Variants in FAT4 observed in about 807,000 individuals in gnomAD.
The protein encoded by FAT4 is protocadherin Fat 4.
A neutral mutation model predicts 303.9 loss-of-function variants in FAT4; 84 were observed. The observed-to-expected ratio is 0.28, with a 90% CI of 0.23 to 0.33. FAT4 has a LOEUF of 0.33. Among genes scored for constraint, FAT4 ranks in the 10% least tolerant of loss-of-function variants. FAT4 has a pLI of 1.00. For synonymous variants in FAT4, 2,307 were observed against 2,298.8 expected (o/e 1.00, Z -0.10); for missense variants, 6,005 against 6,146.8 (o/e 0.98, Z 0.77).
At chr4:125,391,521 G>A (rs543758699) in intron 2 of FAT4, among the ~76,000 whole-genome samples, 154 of 152,222 alleles carry the variant, frequency 1.0e-3, no homozygotes, top group Middle Eastern at 3.4e-3. Context: ...CTTGTTGGGG[G>A]CAGTGGGAGG....
rs751105645 is a variant in FAT4 at position 125,449,637 on chromosome 4, G to C, written c.8627G>C (p.Arg2876Thr). Reference protein sequence around the residue: ...DINDNAPRFSRTSYYLDCPEL... With the variant: ...DINDNAPRFSTTSYYLDCPEL... The stretch of plus-strand genomic sequence containing the variant: ...AATGACAATGCTCCAAGATTTAGCA[G>C]AACTTCCTATTATTTAGATTGCCCT... The change falls in exon 10 of 18, where the codon AGA becomes ACA. Residue 2876 changes from arginine to threonine, a missense_variant. Physicochemically the swap from Arg to Thr is moderately conservative, Grantham distance 71. Coordinates refer to ENST00000394329, the MANE Select transcript of FAT4 (RefSeq NM_001291303.3). 10 of 1,613,768 alleles carry C rather than the reference G, an allele frequency of 6.2e-6. No homozygotes were observed. Among genetic ancestry groups the C allele is most frequent in the Non-Finnish European group, 8.5e-6 (10 of 1,179,922 alleles).
At chr4:125,481,423 ATTTTCATTGTCC>A in intron 15 of FAT4, 86 bp from the exon 16 acceptor site, 1 of 1,029,898 alleles carries the variant, frequency 9.7e-7, no homozygotes, top group South Asian at 1.6e-5. Flanking sequence ...CCAAAACGAC[ATTTTCATTGTCC>A]TTTTTATATT....
intron 2 of FAT4, among the ~76,000 whole-genome samples, chr4:125,348,408 T>C (rs958028529): frequency 6.6e-6 from 1 of 151,684 alleles, no homozygotes; most frequent in South Asian, 2.1e-4. Flanking sequence ...AGTTGAAGGA[T>C]CCTTTCTGAT....
chr4:125,329,677 T>TCTG (rs1731300541), intron 2 of FAT4, among the ~76,000 whole-genome samples: 2 of 152,202 alleles, frequency 1.3e-5, no homozygotes, highest in African/African-American at 2.4e-5. Context: ...TACATTCGTA[T>TCTG]AACCAATCAC....
At position 125,317,557 on chromosome 4, in the gene FAT4, G is replaced by A; in HGVS notation, c.1146G>A (p.Val382=). Residue 382 remains valine (V), a synonymous_variant, in exon 2 of 18, where the codon GTG becomes GTA. Transcript: ENST00000394329. This position sits in a 1 kb window ranked among gnomAD's most constrained non-coding sequence, Gnocchi z 7.0. ...QVGTVVALLT[V]TDADSPAANG... is the part of the protein sequence containing the mutation. ...GCACCGTGGTGGCTCTGCTCACCGT[G>A]ACGGACGCAGATTCTCCCGCGGCCA... The A allele has an allele frequency of 6.2e-7, 1 of 1,613,926 alleles. No individual in the cohort carries two copies. Among genetic ancestry groups the A allele is most frequent in the South Asian group, 1.1e-5 (1 of 91,062 alleles).
At position 125,321,087 on chromosome 4, in the gene FAT4, C is replaced by T; in HGVS notation, c.4676C>T (p.Ala1559Val). 1.2e-6 allele frequency: 2 copies of T among 1,614,114 alleles called. No individual in the cohort carries two copies. Among genetic ancestry groups the T allele is most frequent in the Non-Finnish European group, 1.7e-6 (2 of 1,180,014 alleles). The change falls in exon 2 of 18, where the codon GCT becomes GTT. Residue 1559 changes from alanine to valine, a missense_variant. By Grantham distance (64) the Ala-to-Val change is moderately conservative. Transcript: ENST00000394329. Reference protein sequence around the residue: ...TIMAADPDEGANGEIEYEIIN... With the variant: ...TIMAADPDEGVNGEIEYEIIN... ...ATGGCTGCTGACCCAGATGAAGGTGCTAATGGAGAAATAGAGTATGAGATC... is the reference window on the plus strand; with the variant it reads ...ATGGCTGCTGACCCAGATGAAGGTGTTAATGGAGAAATAGAGTATGAGATC...
intron 2 of FAT4, among the ~76,000 whole-genome samples, chr4:125,389,055 G>C (rs973664984): frequency 4.6e-5 from 7 of 152,202 alleles, no homozygotes; most frequent in Admixed American, 3.9e-4. Flanking sequence ...GCTTATATGA[G>C]AAGTACATTC....
intron 8 of FAT4, among the ~76,000 whole-genome samples, chr4:125,434,684 C>T (rs1448954691): frequency 6.6e-6 from 1 of 152,002 alleles, no homozygotes; most frequent in Non-Finnish European, 1.5e-5. Context: ...TGGGACTACA[C>T]TGGGTGCTTC....
intron 2 of FAT4, among the ~76,000 whole-genome samples, chr4:125,351,426 GA>G (rs1732219388): frequency 6.6e-6 from 1 of 151,720 alleles, no homozygotes; most frequent in Non-Finnish European, 1.5e-5. Flanking sequence ...AAATTTTTGA[GA>G]AACCATGAAC....
rs150804471 is a variant in FAT4 at position 125,477,197 on chromosome 4, C to G, written c.12342C>G (p.Ile4114Met). The change falls in exon 14 of 18, where the codon ATC (isoleucine) becomes ATG (methionine). Residue 4114 changes from isoleucine (I) to methionine (M), a missense_variant. By Grantham distance (10) the Ile-to-Met change is conservative. Transcript: ENST00000394329. ...CAAATAGAGTTACAGTTGGAGGTAT[C>G]AGATCTCTAGAACCAATCCTTCAGA... ...VQPNRVTVGG[I>M]RSLEPILQRR... 137 of 1,472,356 alleles carry G rather than the reference C, an allele frequency of 9.3e-5. 1 individual carries two copies. The African/African-American group carries it at 1.6e-3, about 17-fold the overall frequency. 91.2% of individuals were successfully genotyped at this position (1,472,356 alleles called of 1,614,324 possible).
At chr4:125,347,463 A>G (rs1331318910) in intron 2 of FAT4, among the ~76,000 whole-genome samples, 2 of 151,394 alleles carry the variant, frequency 1.3e-5, no homozygotes, top group African/African-American at 4.8e-5. Flanking sequence ...GTACCTCTTC[A>G]GTTTATTGAC....
chr4:125,490,925 C>A lies in FAT4; in HGVS notation c.14109C>A (p.His4703Gln). The stretch of plus-strand genomic sequence containing the variant: ...CAACTCCCAACCCTCTGTCTCGACA[C>A]AGTCCAGCCCCTTTCTCCAAATCTT... ...ACPTPNPLSRHSPAPFSKSST... is the reference protein window; with the variant it reads ...ACPTPNPLSRQSPAPFSKSST... The change falls in exon 18 of 18, where the codon CAC becomes CAA. Residue 4703 changes from histidine (H) to glutamine (Q), a missense_variant. Coordinates refer to ENST00000394329, the MANE Select transcript of FAT4 (RefSeq NM_001291303.3). 6.2e-7 allele frequency: 1 copy of A among 1,614,228 alleles called. No homozygotes were observed. Among genetic ancestry groups the A allele is most frequent in the Non-Finnish European group, 8.5e-7 (1 of 1,180,040 alleles).
chr4:125,444,727 A>G (rs890732353), intron 8 of FAT4, among the ~76,000 whole-genome samples: 1 of 152,106 alleles, frequency 6.6e-6, no homozygotes, highest in Non-Finnish European at 1.5e-5. Flanking sequence ...TAAATATTTG[A>G]TTGAACCTTG....
At chr4:125,480,867 G>A (rs1194382660) in intron 15 of FAT4, among the ~76,000 whole-genome samples, 3 of 151,888 alleles carry the variant, frequency 2.0e-5, no homozygotes, top group African/African-American at 4.8e-5. Context: ...CTTTTAAAGT[G>A]TATCTTTCAG....
At chr4:125,483,846 A>G (rs1578696586) in intron 16 of FAT4, among the ~76,000 whole-genome samples, 1 of 151,660 alleles carries the variant, frequency 6.6e-6, no homozygotes, top group African/African-American at 2.4e-5. Context: ...GGATGATAGG[A>G]GTATCAAGTG....
Position 125,491,740 on chromosome 4 carries a change from A to G in FAT4, c.14924A>G (p.Lys4975Arg). 6.2e-7 allele frequency: 1 copy of G among 1,613,366 alleles called. No homozygotes were observed. Among genetic ancestry groups the G allele is most frequent in the Middle Eastern group, 1.7e-4 (1 of 6,058 alleles). The change falls in exon 18 of 18, where the codon AAA becomes AGA. Residue 4975 changes from lysine to arginine, a missense_variant. Lys to Arg is a conservative substitution (Grantham distance 26, BLOSUM62 2). Coordinates refer to ENST00000394329, the MANE Select transcript of FAT4 (RefSeq NM_001291303.3). The stretch of plus-strand genomic sequence containing the variant: ...GCTGGGACAACTAAACCAGTCCCCA[A>G]AGATGGGGAAGCAGAACAGTATGTG... ...GKAGTTKPVPKDGEAEQYV is the reference protein window; with the variant it reads ...GKAGTTKPVPRDGEAEQYV
chr4:125,333,298 G>A (rs192462261), intron 2 of FAT4, among the ~76,000 whole-genome samples: 1 of 152,112 alleles, frequency 6.6e-6, no homozygotes, highest in Admixed American at 6.5e-5. Flanking sequence ...TAAACCCAAG[G>A]AACTTAATAG....
Position 125,316,976 on chromosome 4 carries a change from A to G in FAT4, c.565A>G (p.Ile189Val), listed in dbSNP as rs1278574694. The G allele has an allele frequency of 6.2e-7, 1 of 1,613,874 alleles. No homozygotes were observed. Among genetic ancestry groups the G allele is most frequent in the Non-Finnish European group, 8.5e-7 (1 of 1,180,038 alleles). The change falls in exon 2 of 18, where the codon ATC (isoleucine) becomes GTC (valine). Residue 189 changes from isoleucine to valine, a missense_variant. Transcript: ENST00000394329. The surrounding 1 kb of genome is among the most constrained non-coding windows in gnomAD (Gnocchi z 5.7). ...TGAGGCGGGGCGCTTCCGTCTGGACATCACCCTGAACCCGAGCGGCGAGGG... is the reference window on the plus strand; with the variant it reads ...TGAGGCGGGGCGCTTCCGTCTGGACGTCACCCTGAACCCGAGCGGCGAGGG... ...GNEAGRFRLD[I>V]TLNPSGEGAF...
At chr4:125,435,388 T>G (rs1455266816) in intron 8 of FAT4, among the ~76,000 whole-genome samples, 1 of 152,196 alleles carries the variant, frequency 6.6e-6, no homozygotes, top group African/African-American at 2.4e-5. Context: ...GTTGGTTAGA[T>G]GGCTATGAAA....
Sources: allele counts gnomAD v4.1 joint callset (sites outside exome capture counted in the v4.1 genomes callset), GRCh38; gene constraint gnomAD v4.1.1; non-coding constraint Gnocchi (gnomAD v3.1); transcripts MANE v1.5; gene names NCBI Gene and HGNC (gene_info 2026-07-23, HGNC 2026-07-21).